The following NR6A1 variants were observed in gnomAD, a reference collection of about 807,000 sequenced individuals.
The protein encoded by NR6A1 is nuclear receptor subfamily 6 group A member 1.
Under a neutral mutation model 59.1 loss-of-function variants are expected in NR6A1, and 7 were observed. That is an observed-to-expected ratio of 0.12 (90% CI 0.07 to 0.22). The LOEUF is 0.22. Ranked by LOEUF, NR6A1 falls within the 10% of genes least tolerant of loss-of-function variation. The pLI is 1.00. For synonymous variants in NR6A1, 243 were observed against 236.1 expected (o/e 1.03, Z -0.27); for missense variants, 468 against 611.6 (o/e 0.77, Z 2.48).
chr9:124,525,284 A>AAAACACAC (rs1554723994), intron 8 of NR6A1, among the ~76,000 whole-genome samples: 1 of 137,304 alleles, frequency 7.3e-6, no homozygotes, highest in Non-Finnish European at 1.6e-5. Context: ...ATGCTTGTAA[A>AAAACACAC]ACACACACAC....
At chr9:124,558,852 AC>A (rs145672588) in intron 2 of NR6A1, among the ~76,000 whole-genome samples, 4,962 of 152,076 alleles carry the variant, frequency 0.033, 247 homozygotes, top group African/African-American at 0.11. Context: ...CAACCAACCA[AC>A]CAAAAAAGCC....
intron 2 of NR6A1, among the ~76,000 whole-genome samples, chr9:124,609,874 G>A (rs1264066988): frequency 6.6e-6 from 1 of 152,114 alleles, no homozygotes; most frequent in East Asian, 1.9e-4. Context: ...CATAGTAATT[G>A]TGAATGGGAA....
At chr9:124,541,302 C>T (rs1478523758) in intron 4 of NR6A1, among the ~76,000 whole-genome samples, 1 of 151,962 alleles carries the variant, frequency 6.6e-6, no homozygotes, top group African/African-American at 2.4e-5. Flanking sequence ...AAACAAAACC[C>T]ACTGAAAAAT....
At chr9:124,718,710 T>C (rs1327388288) in intron 2 of NR6A1, among the ~76,000 whole-genome samples, 2 of 151,146 alleles carry the variant, frequency 1.3e-5, no homozygotes, top group African/African-American at 4.9e-5. Context: ...CCTTCCAGAC[T>C]AAAAATTTGC....
intron 1 of NR6A1, among the ~76,000 whole-genome samples, chr9:124,746,815 C>A (rs1189107635): frequency 6.6e-6 from 1 of 152,060 alleles, no homozygotes; most frequent in African/African-American, 2.4e-5. Flanking sequence ...TAGTGTTTTC[C>A]ATGTATAGGC....
chr9:124,756,841 G>A (rs527459023), intron 1 of NR6A1, among the ~76,000 whole-genome samples: 1 of 152,118 alleles, frequency 6.6e-6, no homozygotes, highest in Non-Finnish European at 1.5e-5. Context: ...GAGGCAACCA[G>A]AGAAGGCTCT....
At chr9:124,732,986 C>G (rs180906051) in intron 2 of NR6A1, among the ~76,000 whole-genome samples, 1 of 152,162 alleles carries the variant, frequency 6.6e-6, no homozygotes, top group Middle Eastern at 3.2e-3. Flanking sequence ...CGTCAGCCAC[C>G]ACGCCTGGCT....
chr9:124,648,930 A>AAT (rs1837015673), intron 2 of NR6A1, among the ~76,000 whole-genome samples: 1 of 152,088 alleles, frequency 6.6e-6, no homozygotes, highest in Admixed American at 6.6e-5. Context: ...TGAAAACTAT[A>AAT]AAACACTGAT....
At chr9:124,727,172 T>G (rs1440254447) in intron 2 of NR6A1, among the ~76,000 whole-genome samples, 2 of 152,372 alleles carry the variant, frequency 1.3e-5, no homozygotes. Flanking sequence ...ACTGCAAAAC[T>G]ACAACATATG....
At chr9:124,712,607 C>CA (rs5900623) in intron 2 of NR6A1, among the ~76,000 whole-genome samples, 43 of 141,516 alleles carry the variant, frequency 3.0e-4, no homozygotes, top group Middle Eastern at 3.7e-3. Context: ...GACCCTGTCT[C>CA]AAAAAAAAAA....
At chr9:124,748,328 C>T (rs144385216) in intron 1 of NR6A1, among the ~76,000 whole-genome samples, 1 of 152,098 alleles carries the variant, frequency 6.6e-6, no homozygotes. Flanking sequence ...ATAGGGGGTA[C>T]AAATCATACA....
intron 2 of NR6A1, among the ~76,000 whole-genome samples, chr9:124,701,057 G>C (rs1430126727): frequency 2.6e-5 from 4 of 152,094 alleles, no homozygotes; most frequent in African/African-American, 9.7e-5. Flanking sequence ...CACCACACCT[G>C]GCCTACATAC....
chr9:124,522,514 T>G lies in NR6A1; in HGVS notation c.*191A>C. On this transcript the variant is annotated 3_prime_UTR_variant, in exon 10 of 10. Coordinates refer to ENST00000487099, the MANE Select transcript of NR6A1 (RefSeq NM_033334.4). ...ATGTTGAAGGCCATACATTCAACTC[T>G]GTCGTGAAATAAATATATAGAAAAA... The G allele has an allele frequency of 4.4e-6, 2 of 454,894 alleles. No homozygotes were observed. Among genetic ancestry groups the G allele is most frequent in the Non-Finnish European group, 4.1e-6 (1 of 246,656 alleles). The allele number at this position is 454,894 out of a possible 1,614,324, so 28.2% of individuals were successfully genotyped here. A position where few individuals can be genotyped will look rare whatever the true frequency, so the allele number is the denominator to read the frequency against.
intron 2 of NR6A1, among the ~76,000 whole-genome samples, chr9:124,705,836 T>C (rs1420486845): frequency 6.6e-6 from 1 of 151,516 alleles, no homozygotes. Context: ...AGTGCAGTGG[T>C]GTGATCTTGG....
chr9:124,654,765 G>A (rs1194284542), intron 2 of NR6A1, among the ~76,000 whole-genome samples: 1 of 151,890 alleles, frequency 6.6e-6, no homozygotes, highest in Admixed American at 6.6e-5. Context: ...ATAGTACTTT[G>A]AGAATTCATT....
rs536398292 is a variant in NR6A1, at chr9:124,687,771, G to A, written c.142+45537C>T. ...AAACCAAATGGTTGCTGGGAAAGTGGGGGCAGATGGGAAACTTGCAAAATA... is the reference window on the plus strand; with the variant it reads ...AAACCAAATGGTTGCTGGGAAAGTGAGGGCAGATGGGAAACTTGCAAAATA... On this transcript the variant is annotated intron_variant, in intron 2 of 9. Coordinates refer to ENST00000487099, the MANE Select transcript of NR6A1 (RefSeq NM_033334.4). 2.0e-5 allele frequency among the ~76,000 whole-genome samples: 3 copies of A among 152,260 alleles called. No homozygotes were observed. In the East Asian group the frequency reaches 5.8e-4, roughly 29 times the overall value.
chr9:124,708,256 G>C (rs1032847889), intron 2 of NR6A1, among the ~76,000 whole-genome samples: 3 of 152,146 alleles, frequency 2.0e-5, no homozygotes, highest in Non-Finnish European at 2.9e-5. Context: ...TCCTGCAGCA[G>C]TCATAAAGCT....
chr9:124,596,530 T>C lies in NR6A1; in HGVS notation c.143-41960A>G, dbSNP rs142054820. ...ACATATTAGTTTGGAGAAAGGAAAC[T>C]AGGTCTGCAAAATCCTTTTACAAAG... On this transcript the variant is annotated intron_variant, in intron 2 of 9. Transcript: ENST00000487099. Among the ~76,000 whole-genome samples, 22 of 152,326 alleles carry C rather than the reference T, an allele frequency of 1.4e-4. 1 individual carries two copies. The East Asian group carries it at 4.0e-3, about 28-fold the overall frequency.
intron 2 of NR6A1, among the ~76,000 whole-genome samples, chr9:124,593,440 G>A (rs1234591782): frequency 2.6e-5 from 4 of 152,098 alleles, no homozygotes; most frequent in African/African-American, 9.7e-5. Flanking sequence ...AGCAGAGAGG[G>A]GGAGAGAGAG....
Sources: allele counts gnomAD v4.1 joint callset (sites outside exome capture counted in the v4.1 genomes callset), GRCh38; gene constraint gnomAD v4.1.1; transcripts MANE v1.5; gene names NCBI Gene and HGNC (gene_info 2026-07-23, HGNC 2026-07-21).